Variants in PHACTR1 observed in about 807,000 individuals in gnomAD.
The protein encoded by PHACTR1 is RPEL repeat containing 1.
Under a neutral mutation model 69.2 loss-of-function variants are expected in PHACTR1, and 16 were observed. The observed-to-expected ratio is 0.23, with a 90% CI of 0.16 to 0.35. PHACTR1 has a LOEUF of 0.35. Ranked by LOEUF, PHACTR1 falls within the 10% of genes least tolerant of loss-of-function variation. The probability of loss-of-function intolerance (pLI) is 1.00; values close to 1 mark genes in which losing one functional copy is unlikely to be tolerated. For synonymous variants in PHACTR1, 312 were observed against 284.5 expected, an observed-to-expected ratio of 1.10 and a Z score of -0.97; for missense variants, 510 against 734.7, an observed-to-expected ratio of 0.69 and a Z score of 3.54.
chr6:13,198,656 G>A (rs539046131), intron 7 of PHACTR1, among the ~76,000 whole-genome samples: 4 of 151,356 alleles, frequency 2.6e-5, no homozygotes, highest in East Asian at 1.9e-4. Flanking sequence ...AAAAAGATCC[G>A]TGCATAAATC....
intron 4 of PHACTR1, among the ~76,000 whole-genome samples, chr6:13,025,886 T>C (rs961679049): frequency 6.6e-5 from 10 of 152,188 alleles, no homozygotes; most frequent in African/African-American, 2.2e-4. Flanking sequence ...TAATCACCTC[T>C]TTAAAAAAAG....
intron 6 of PHACTR1, among the ~76,000 whole-genome samples, chr6:13,167,873 A>G (rs924246145): frequency 6.6e-5 from 10 of 152,234 alleles, no homozygotes; most frequent in African/African-American, 2.4e-4. Flanking sequence ...TCTGACATTC[A>G]AGATGAAAAA....
chr6:12,792,464 CAAAAAAAAAAAAAA>C lies in PHACTR1; in HGVS notation c.250+42690_250+42703del, dbSNP rs60942588. ...GGGCAACAAGAGCAAAACTCCATGTCAAAAAAAAAAAAAAAAAAAAAAAAAAAAAGAAGATTTCT... is the reference window on the plus strand; with the variant it reads ...GGGCAACAAGAGCAAAACTCCATGTCAAAAAAAAAAAAAAAGAAGATTTCT... On this transcript the variant is annotated intron_variant, in intron 4 of 14. Coordinates refer to ENST00000332995, the MANE Select transcript of PHACTR1 (RefSeq NM_030948.6). 6.7e-4 allele frequency among the ~76,000 whole-genome samples: 21 copies of C among 31,402 alleles called. No individual in the cohort carries two copies. In the East Asian group the frequency reaches 0.015, roughly 22 times the overall value. 20.6% of individuals were successfully genotyped at this position (31,402 alleles called of 152,430 possible).
chr6:12,782,277 G>A (rs1485669104), intron 4 of PHACTR1, among the ~76,000 whole-genome samples: 3 of 152,090 alleles, frequency 2.0e-5, no homozygotes, highest in African/African-American at 4.8e-5. Flanking sequence ...AACATGACAC[G>A]GAACATGACG....
chr6:12,977,052 G>A (rs1030241281), intron 4 of PHACTR1, among the ~76,000 whole-genome samples: 2 of 152,106 alleles, frequency 1.3e-5, no homozygotes, highest in Non-Finnish European at 2.9e-5. Flanking sequence ...TGCAACCTCT[G>A]CCTCCTGGGT....
At chr6:12,784,707 A>G (rs1390688068) in intron 4 of PHACTR1, among the ~76,000 whole-genome samples, 3 of 151,750 alleles carry the variant, frequency 2.0e-5, no homozygotes, top group Non-Finnish European at 4.4e-5. Context: ...TGTATTTATA[A>G]ATATTTTATT....
At chr6:13,143,547 T>G (rs1159663873) in intron 5 of PHACTR1, among the ~76,000 whole-genome samples, 2 of 152,248 alleles carry the variant, frequency 1.3e-5, no homozygotes, top group African/African-American at 4.8e-5. Context: ...GGGCCTGAGA[T>G]TCTGCATTTT....
At chr6:13,070,818 AC>A (rs1335512667) in intron 5 of PHACTR1, among the ~76,000 whole-genome samples, 1 of 152,042 alleles carries the variant, frequency 6.6e-6, no homozygotes, top group African/African-American at 2.4e-5. Context: ...CTTAAAAAAA[AC>A]AAAACAAAAC....
At chr6:12,888,663 C>T (rs1019736009) in intron 4 of PHACTR1, among the ~76,000 whole-genome samples, 38 of 152,094 alleles carry the variant, frequency 2.5e-4, no homozygotes, top group African/African-American at 8.7e-4. Context: ...AGAAACCATT[C>T]ACTTATCTAG....
intron 3 of PHACTR1, among the ~76,000 whole-genome samples, chr6:12,746,102 C>A (rs535334251): frequency 6.6e-6 from 1 of 152,072 alleles, no homozygotes; most frequent in East Asian, 1.9e-4. Context: ...CTGTGTGGAA[C>A]TGTTACGAAG....
At chr6:12,754,946 G>T (rs1038567796) in intron 4 of PHACTR1, among the ~76,000 whole-genome samples, 2 of 152,160 alleles carry the variant, frequency 1.3e-5, no homozygotes, top group South Asian at 2.1e-4. Flanking sequence ...GAGTATCCAC[G>T]CATTTTGTTA....
chr6:13,276,265 G>A (rs1017595197), intron 11 of PHACTR1: 4 of 152,266 alleles, frequency 2.6e-5, no homozygotes, highest in African/African-American at 9.6e-5. Context: ...AGATGTGGCT[G>A]TTTCTTGTGC....
chr6:12,990,646 G>A (rs891164076), intron 4 of PHACTR1, among the ~76,000 whole-genome samples: 1 of 152,232 alleles, frequency 6.6e-6, no homozygotes, highest in Non-Finnish European at 1.5e-5. Flanking sequence ...ATGGCTAAGT[G>A]TTGACAGCTC....
intron 4 of PHACTR1, among the ~76,000 whole-genome samples, chr6:12,958,586 C>T (rs1396270294): frequency 3.9e-5 from 6 of 152,202 alleles, no homozygotes; most frequent in Admixed American, 6.5e-5. Context: ...GATAACAGCT[C>T]ACTCAGCATG....
chr6:13,260,815 TAGAG>T (rs1775805939), intron 10 of PHACTR1, among the ~76,000 whole-genome samples: 1 of 152,128 alleles, frequency 6.6e-6, no homozygotes, highest in South Asian at 2.1e-4. Flanking sequence ...TATCATATAA[TAGAG>T]AAAGGTTTAG....
At chr6:12,800,792 G>A (rs1384099354) in intron 4 of PHACTR1, among the ~76,000 whole-genome samples, 1 of 151,988 alleles carries the variant, frequency 6.6e-6, no homozygotes, top group Non-Finnish European at 1.5e-5. Flanking sequence ...GGAGGCTGAG[G>A]TCGGAGGATC....
At chr6:12,959,927 T>C (rs759031644) in intron 4 of PHACTR1, among the ~76,000 whole-genome samples, 8 of 152,236 alleles carry the variant, frequency 5.3e-5, no homozygotes, top group Non-Finnish European at 1.2e-4. Context: ...GTCTGAGAAA[T>C]GCAGTTTGGA....
Position 12,930,378 on chromosome 6 carries a change from T to C in PHACTR1, c.251-122987T>C, listed in dbSNP as rs141581730. Among the ~76,000 whole-genome samples, 4 of 152,302 alleles carry C rather than the reference T, an allele frequency of 2.6e-5. No individual in the cohort carries two copies. The East Asian group carries it at 5.8e-4, about 22-fold the overall frequency. On this transcript the variant is annotated intron_variant, in intron 4 of 14. Transcript: ENST00000332995. ...TTTTTGGGTGTGTGGAGAACCTCTT[T>C]GGGGATACATGGAAAGAAAGAGAAG...
intron 4 of PHACTR1, among the ~76,000 whole-genome samples, chr6:13,025,542 G>A (rs1801558256): frequency 1.3e-5 from 2 of 152,268 alleles, no homozygotes; most frequent in South Asian, 2.1e-4. Context: ...GGTGGCACTT[G>A]CATCTCTAGA....
Sources: gnomAD v4.1 joint callset for allele counts (sites outside exome capture counted in the v4.1 genomes callset) on GRCh38, gnomAD v4.1.1 for gene constraint, MANE v1.5 for transcripts, NCBI Gene and HGNC (gene_info 2026-07-23, HGNC 2026-07-21) for gene names.